SLC24A2: variants seen among roughly 807,000 people sequenced by gnomAD.
SLC24A2 encodes the protein sodium/potassium/calcium exchanger 2.
Under a neutral mutation model 62.0 loss-of-function variants are expected in SLC24A2, and 36 were observed. That is an observed-to-expected ratio of 0.58 (90% CI 0.44 to 0.77). The LOEUF is 0.77. SLC24A2 is among the 30% of genes least tolerant of loss of function. The pLI is 0.00. For synonymous variants in SLC24A2, 358 were observed against 294.0 expected, an observed-to-expected ratio of 1.22 and a Z score of -2.23; for missense variants, 846 against 817.9, an observed-to-expected ratio of 1.03 and a Z score of -0.42.
intron 7 of SLC24A2, among the ~76,000 whole-genome samples, chr9:19,554,919 G>A: frequency 6.6e-6 from 1 of 152,184 alleles, no homozygotes; most frequent in Non-Finnish European, 1.5e-5. Flanking sequence ...GCACCCACAT[G>A]CTGTGACTGC....
chr9:20,176,323 T>C, the SLC24A2 span, among the ~76,000 whole-genome samples: 2 of 152,054 alleles, frequency 1.3e-5, no homozygotes, highest in South Asian at 4.2e-4. Context: ...TTATGATTTA[T>C]AACATTATAG....
chr9:19,608,223 T>C, intron 4 of SLC24A2, among the ~76,000 whole-genome samples: 1 of 152,222 alleles, frequency 6.6e-6, no homozygotes. Flanking sequence ...AAAACTGCTT[T>C]TGAGAGACAC....
chr9:19,638,905 G>A lies in SLC24A2; in HGVS notation c.931-16606C>T, dbSNP rs548356308. On this transcript the variant is annotated intron_variant, in intron 2 of 10. Coordinates refer to ENST00000341998, the MANE Select transcript of SLC24A2 (RefSeq NM_020344.4). ...CAATTAGCTATCTAAACTTGGAGAT[G>A]GCAGGTAGCCAGGTCAGAATTTCTA... Among the ~76,000 whole-genome samples the A allele has an allele frequency of 9.5e-4, 144 of 152,336 alleles. 1 individual carries two copies. Among genetic ancestry groups the A allele is most frequent in the Non-Finnish European group, 1.5e-3 (103 of 68,022 alleles).
the SLC24A2 span, among the ~76,000 whole-genome samples, chr9:20,163,340 GACAA>G: frequency 2.6e-5 from 4 of 152,022 alleles, no homozygotes; most frequent in Non-Finnish European, 4.4e-5. Context: ...ACCAATAACA[GACAA>G]ACAGAGAGCC....
chr9:20,027,722 T>C, the SLC24A2 span, among the ~76,000 whole-genome samples: 2 of 152,100 alleles, frequency 1.3e-5, no homozygotes, highest in African/African-American at 4.8e-5. Context: ...GGGATAAATT[T>C]TAAGATCTAT....
At chr9:20,293,081 CCCTGTGTGTCTCT>C in the SLC24A2 span, among the ~76,000 whole-genome samples, 1 of 152,162 alleles carries the variant, frequency 6.6e-6, no homozygotes, top group African/African-American at 2.4e-5. Flanking sequence ...ATGGCATTTC[CCCTGTGTGTCTCT>C]CCTGACTCTT....
the SLC24A2 span, among the ~76,000 whole-genome samples, chr9:20,160,430 A>T: frequency 6.6e-6 from 1 of 151,414 alleles, no homozygotes; most frequent in South Asian, 2.1e-4. Context: ...CCTAAAAATT[A>T]TGATAGATAT....
At chr9:20,294,117 G>C in the SLC24A2 span, among the ~76,000 whole-genome samples, 1 of 151,994 alleles carries the variant, frequency 6.6e-6, no homozygotes, top group African/African-American at 2.4e-5. Context: ...TGAAGCACCA[G>C]CTTCCCTCCT....
chr9:20,211,701 A>C, the SLC24A2 span, among the ~76,000 whole-genome samples: 1 of 152,224 alleles, frequency 6.6e-6, no homozygotes, highest in South Asian at 2.1e-4. Context: ...TAGCAACAAT[A>C]ACAAGAATCT....
the SLC24A2 span, among the ~76,000 whole-genome samples, chr9:20,175,600 A>G: frequency 2.6e-5 from 4 of 152,032 alleles, no homozygotes; most frequent in Non-Finnish European, 4.4e-5. Context: ...AAGATACACT[A>G]AAAACCGTCA....
chr9:19,593,181 T>A (rs1327856186), intron 5 of SLC24A2, among the ~76,000 whole-genome samples: 1 of 152,218 alleles, frequency 6.6e-6, no homozygotes, highest in Non-Finnish European at 1.5e-5. Context: ...ATAAGAAAGA[T>A]GCCTTCCACT....
chr9:19,560,996 G>T (rs1055349474), intron 7 of SLC24A2, among the ~76,000 whole-genome samples: 4 of 150,726 alleles, frequency 2.7e-5, no homozygotes, highest in African/African-American at 9.7e-5. Flanking sequence ...CATGATCTTG[G>T]CTCACTGCAA....
chr9:19,786,389 A>G lies in SLC24A2; in HGVS notation c.478T>C (p.Ser160Pro). Residue 160 changes from serine to proline, a missense_variant, in exon 2 of 11, where the codon TCT becomes CCT. Physicochemically the swap from Ser to Pro is moderately conservative, Grantham distance 74. Transcript: ENST00000341998. The surrounding 1 kb of genome is among the most constrained non-coding windows in gnomAD (Gnocchi z 5.0). ...AIVCDEFFVPSLTVITEKLGI... is the reference protein window; with the variant it reads ...AIVCDEFFVPPLTVITEKLGI... ...AGTTTTTCAGTGATGACAGTCAAAG[A>G]AGGAACAAAGAACTCATCACAGACA... 1 of 1,614,220 alleles carries G rather than the reference A, an allele frequency of 6.2e-7. No homozygotes were observed. The highest frequency in any genetic ancestry group is 2.2e-5 in the East Asian group (1 of 44,892).
chr9:20,113,529 G>A, the SLC24A2 span, among the ~76,000 whole-genome samples: 4 of 152,074 alleles, frequency 2.6e-5, no homozygotes, highest in Admixed American at 6.6e-5. Context: ...AGCTTCACTA[G>A]TTTTTAACTG....
At chr9:19,898,301 G>C in the SLC24A2 span, among the ~76,000 whole-genome samples, 1 of 152,250 alleles carries the variant, frequency 6.6e-6, no homozygotes, top group Admixed American at 6.5e-5. Flanking sequence ...TAGGACAAAG[G>C]CCAAACTCAA....
intron 7 of SLC24A2, among the ~76,000 whole-genome samples, chr9:19,566,998 T>C (rs1371288320): frequency 6.7e-6 from 1 of 149,832 alleles, no homozygotes; most frequent in East Asian, 1.9e-4. Context: ...TTAGGAGATA[T>C]ATCTAATGTA....
chr9:19,959,629 G>A, the SLC24A2 span, among the ~76,000 whole-genome samples: 2 of 152,164 alleles, frequency 1.3e-5, no homozygotes, highest in African/African-American at 4.8e-5. Flanking sequence ...ACCTAGTTAT[G>A]TTATTTTATC....
At chr9:19,559,842 C>T (rs1166312433) in intron 7 of SLC24A2, among the ~76,000 whole-genome samples, 2 of 152,182 alleles carry the variant, frequency 1.3e-5, no homozygotes, top group East Asian at 3.8e-4. Flanking sequence ...GATCAGCATA[C>T]TAATGACCTT....
At chr9:20,113,592 G>T in the SLC24A2 span, among the ~76,000 whole-genome samples, 2 of 151,814 alleles carry the variant, frequency 1.3e-5, no homozygotes, top group Non-Finnish European at 2.9e-5. Context: ...TTCTATATTG[G>T]TTATAAAAAT....
Sources: allele counts gnomAD v4.1 joint callset (sites outside exome capture counted in the v4.1 genomes callset), GRCh38; gene constraint gnomAD v4.1.1; non-coding constraint Gnocchi (gnomAD v3.1); transcripts MANE v1.5; gene names NCBI Gene and HGNC (gene_info 2026-07-23, HGNC 2026-07-21).